Variants in CNTN4 observed in about 807,000 individuals in gnomAD.
CNTN4 encodes contactin 4, also known as contactin-4.
In CNTN4, 77 loss-of-function variants were observed where a neutral mutation model predicts 122.5. That is an observed-to-expected ratio of 0.63 (90% CI 0.52 to 0.76). The LOEUF is 0.76. CNTN4 is among the 30% of genes least tolerant of loss of function. CNTN4 has a pLI of 0.00. For missense variants in CNTN4, 1,256 were observed against 1,259.1 expected, an observed-to-expected ratio of 1.00 and a Z score of 0.04; for synonymous variants, 512 against 447.0, an observed-to-expected ratio of 1.15 and a Z score of -1.83.
intron 2 of CNTN4, among the ~76,000 whole-genome samples, chr3:2,320,727 T>G (rs1293601661): frequency 6.6e-6 from 1 of 152,186 alleles, no homozygotes; most frequent in Non-Finnish European, 1.5e-5. Flanking sequence ...GAACCATGCA[T>G]GCTGATGACT....
intron 14 of CNTN4, among the ~76,000 whole-genome samples, chr3:3,008,166 A>ATT (rs10662492): frequency 0.023 from 3,521 of 152,234 alleles, 131 homozygotes; most frequent in African/African-American, 0.08. Flanking sequence ...GGGAGGGATA[A>ATT]TTTTATATCA....
chr3:2,506,607 T>G (rs534313624), intron 3 of CNTN4, among the ~76,000 whole-genome samples: 2 of 152,336 alleles, frequency 1.3e-5, no homozygotes, highest in South Asian at 4.1e-4. Context: ...AGTTCATGAA[T>G]TGAAGCATGT....
intron 2 of CNTN4, among the ~76,000 whole-genome samples, chr3:2,174,539 G>A (rs1575002896): frequency 1.3e-5 from 2 of 152,228 alleles, no homozygotes; most frequent in South Asian, 4.1e-4. Context: ...TCTCTTTGAT[G>A]AGGGCACTAA....
chr3:2,312,816 C>A (rs1445489609), intron 2 of CNTN4, among the ~76,000 whole-genome samples: 1 of 151,692 alleles, frequency 6.6e-6, no homozygotes, highest in Admixed American at 6.6e-5. Flanking sequence ...ACTGTTTTTA[C>A]GTGTATGTTT....
In CNTN4 at chr3:2,326,519, C is replaced by CACACACACACACAT. The variant is rs537814755; in HGVS notation, c.-144-12650_-144-12649insCACATACACACACA. Among the ~76,000 whole-genome samples the CACACACACACACAT allele has an allele frequency of 2.3e-4, 32 of 140,006 alleles. 1 individual carries two copies. The highest frequency in any genetic ancestry group is 3.8e-4 in the Non-Finnish European group (24 of 62,904). The allele number at this position is 140,006 out of a possible 152,430, so 91.8% of individuals were successfully genotyped here. A position where few individuals can be genotyped will look rare whatever the true frequency, so the allele number is the denominator to read the frequency against. ...ACACACACACACACACACACACACA[C>CACACACACACACAT]ACACACACAATCTTACTGATTCTGT... On this transcript the variant is annotated intron_variant, in intron 2 of 24. Coordinates refer to ENST00000418658, the MANE Select transcript of CNTN4 (RefSeq NM_175607.3).
intron 3 of CNTN4, among the ~76,000 whole-genome samples, chr3:2,550,503 G>GAC (rs2078452511): frequency 6.6e-6 from 1 of 152,164 alleles, no homozygotes; most frequent in Non-Finnish European, 1.5e-5. Context: ...CTGTTGGTGG[G>GAC]AGTGCAAACT....
chr3:2,143,544 T>C (rs974430186), intron 2 of CNTN4, among the ~76,000 whole-genome samples: 1 of 152,202 alleles, frequency 6.6e-6, no homozygotes, highest in Non-Finnish European at 1.5e-5. Flanking sequence ...CACCAGCAGA[T>C]TGTAATTTTG....
At chr3:2,398,833 T>G (rs1022312022) in intron 3 of CNTN4, among the ~76,000 whole-genome samples, 2 of 152,162 alleles carry the variant, frequency 1.3e-5, no homozygotes, top group Non-Finnish European at 2.9e-5. Context: ...TTTGCTAACT[T>G]ATTTTGATCT....
chr3:2,121,291 A>G lies in CNTN4; in HGVS notation c.-145+20652A>G, dbSNP rs533081459. Among the ~76,000 whole-genome samples the G allele has an allele frequency of 2.0e-5, 3 of 152,258 alleles. No homozygotes were observed. In the South Asian group the frequency reaches 6.2e-4, roughly 32 times the overall value. ...GAGGCGGGCAGATCACGAGGTCAGA[A>G]GTTTGAGACCAGCCTGACCAACATA... On this transcript the variant is annotated intron_variant, in intron 2 of 24. Transcript: ENST00000418658.
chr3:2,881,383 C>T (rs891587410), intron 8 of CNTN4, among the ~76,000 whole-genome samples: 4 of 152,056 alleles, frequency 2.6e-5, no homozygotes, highest in East Asian at 1.9e-4. Context: ...CATGGTGGCA[C>T]GTGCCTGTAG....
At chr3:2,736,790 A>AC (rs1354017339) in intron 5 of CNTN4, among the ~76,000 whole-genome samples, 10 of 147,508 alleles carry the variant, frequency 6.8e-5, no homozygotes, top group East Asian at 2.0e-4. Flanking sequence ...TTATTTATTT[A>AC]TTTATTTATT....
chr3:2,790,342 C>T lies in CNTN4; in HGVS notation c.359-29144C>T, dbSNP rs77049540. 3.3e-4 allele frequency among the ~76,000 whole-genome samples: 51 copies of T among 152,306 alleles called. 2 individuals carry two copies. In the East Asian group the frequency reaches 7.1e-3, roughly 21 times the overall value. ...TGAGCCATAGTGGATCTCAAGAGAT[C>T]CTCTGGGCCAGCTTGCTGCCTTCCA... On this transcript the variant is annotated intron_variant, in intron 6 of 24. Transcript: ENST00000418658.
chr3:2,205,993 G>A (rs1449567571), intron 2 of CNTN4, among the ~76,000 whole-genome samples: 1 of 152,060 alleles, frequency 6.6e-6, no homozygotes, highest in African/African-American at 2.4e-5. Context: ...CAAATACTCG[G>A]AAGGGTATTC....
intron 14 of CNTN4, among the ~76,000 whole-genome samples, chr3:3,013,420 C>T (rs1191171481): frequency 6.6e-6 from 1 of 152,114 alleles, no homozygotes; most frequent in Non-Finnish European, 1.5e-5. Context: ...CCTGAGAAGA[C>T]ATCCAGCAAC....
At chr3:2,124,920 C>T (rs2034042987) in intron 2 of CNTN4, among the ~76,000 whole-genome samples, 1 of 152,134 alleles carries the variant, frequency 6.6e-6, no homozygotes, top group South Asian at 2.1e-4. Flanking sequence ...TCTATTATCT[C>T]CAGAAGTTTC....
chr3:2,287,431 A>G (rs1188460032), intron 2 of CNTN4, among the ~76,000 whole-genome samples: 1 of 151,816 alleles, frequency 6.6e-6, no homozygotes, highest in African/African-American at 2.4e-5. Context: ...GTGAGACCTC[A>G]TCTCTACAAA....
In CNTN4 at chr3:2,592,773, T is replaced by A. The variant is rs73805345; in HGVS notation, c.55+21215T>A. 3.8e-3 allele frequency among the ~76,000 whole-genome samples: 580 copies of A among 152,350 alleles called. 2 individuals are homozygous for A. Among genetic ancestry groups the A allele is most frequent in the African/African-American group, 0.012 (513 of 41,576 alleles). On this transcript the variant is annotated intron_variant, in intron 4 of 24. Transcript: ENST00000418658. ...TGTGAAAACTGACAAATACAGTTAG[T>A]TTAACCACTCTCTGGAGTGTTCTAT...
At chr3:2,855,961 T>C (rs6771922) in intron 7 of CNTN4, among the ~76,000 whole-genome samples, 11,250 of 152,160 alleles carry the variant, frequency 0.074, 890 homozygotes, top group African/African-American at 0.2. Context: ...ATTTTTTCCC[T>C]CCTCTGATTT....
intron 2 of CNTN4, among the ~76,000 whole-genome samples, chr3:2,274,703 G>T (rs752392828): frequency 4.5e-4 from 69 of 152,136 alleles, no homozygotes; most frequent in Non-Finnish European, 9.3e-4. Flanking sequence ...GGAGGGAAGA[G>T]AAATTTGAGG....
Sources: gnomAD v4.1 joint callset for allele counts (sites outside exome capture counted in the v4.1 genomes callset) on GRCh38, gnomAD v4.1.1 for gene constraint, MANE v1.5 for transcripts, NCBI Gene and HGNC (gene_info 2026-07-23, HGNC 2026-07-21) for gene names.